PDZRN3: variants seen among roughly 807,000 people sequenced by gnomAD.
The protein encoded by PDZRN3 is E3 ubiquitin-protein ligase PDZRN3.
In PDZRN3, 38 loss-of-function variants were observed where a neutral mutation model predicts 85.7. The observed-to-expected ratio is 0.44, with a 90% confidence interval of 0.34 to 0.58. The LOEUF (loss-of-function observed/expected upper bound fraction) is 0.58. Ranked by LOEUF, PDZRN3 falls within the 20% of genes least tolerant of loss-of-function variation. PDZRN3 has a pLI of 0.01. For missense variants in PDZRN3, 1,629 were observed against 1,506.4 expected (o/e 1.08, Z -1.35); for synonymous variants, 759 against 638.0 (o/e 1.19, Z -2.86).
At chr3:73,595,389 G>C (rs2106886017) in intron 3 of PDZRN3, among the ~76,000 whole-genome samples, 1 of 152,260 alleles carries the variant, frequency 6.6e-6, no homozygotes, top group East Asian at 1.9e-4. Context: ...GGTAAATGGG[G>C]ATCAGTCCCT....
intron 3 of PDZRN3, among the ~76,000 whole-genome samples, chr3:73,426,189 A>G (rs1271048442): frequency 5.3e-5 from 8 of 152,134 alleles, no homozygotes; most frequent in Non-Finnish European, 1.0e-4. Context: ...ATATGTATAC[A>G]TTATGTATAT....
At chr3:73,386,245 T>TTTTTTTTTTTTTTTA (rs1701383880) in intron 8 of PDZRN3, among the ~76,000 whole-genome samples, 2 of 146,518 alleles carry the variant, frequency 1.4e-5, no homozygotes, top group Admixed American at 6.8e-5. Flanking sequence ...TTTTTTTTTT[T>TTTTTTTTTTTTTTTA]GAGACAGAAT....
intron 3 of PDZRN3, chr3:73,474,725 C>A: frequency 1.5e-6 from 1 of 664,566 alleles, no homozygotes; most frequent in Non-Finnish European, 2.0e-6. Context: ...ATTTCAGGCC[C>A]TGGGAAAGGT....
intron 3 of PDZRN3, among the ~76,000 whole-genome samples, chr3:73,597,966 C>T (rs1024374839): frequency 4.0e-5 from 6 of 151,702 alleles, no homozygotes; most frequent in South Asian, 4.2e-4. Context: ...GCTGGACTTA[C>T]GAAGAGATGG....
chr3:73,421,342 G>A (rs551738341), intron 3 of PDZRN3, among the ~76,000 whole-genome samples: 1 of 152,316 alleles, frequency 6.6e-6, no homozygotes, highest in South Asian at 2.1e-4. Context: ...CAATGGCAGA[G>A]CCATAAAAAG....
At chr3:73,457,581 G>T (rs1703011576) in intron 3 of PDZRN3, among the ~76,000 whole-genome samples, 2 of 152,034 alleles carry the variant, frequency 1.3e-5, no homozygotes, top group South Asian at 4.2e-4. Flanking sequence ...TCGGTATCTG[G>T]CCTGGTCCTG....
intron 1 of PDZRN3, chr3:73,623,881 A>G: frequency 2.4e-6 from 1 of 419,564 alleles, no homozygotes. Flanking sequence ...GTACAGCTAT[A>G]CTTTACCGGT....
chr3:73,624,910 C>G lies in PDZRN3; in HGVS notation c.-85G>C. On this transcript the variant is annotated 5_prime_UTR_variant, in exon 1 of 10. Coordinates refer to ENST00000263666, the MANE Select transcript of PDZRN3 (RefSeq NM_015009.3). ...AGGCGGCCCAGACAGGCCGGCTACG[C>G]CGCCCGCGCGCTCGCTGGCTCTCCC... 9.2e-7 allele frequency: 1 copy of G among 1,083,024 alleles called. No homozygotes were observed. The highest frequency in any genetic ancestry group is 1.2e-6 in the Non-Finnish European group (1 of 850,442). 67.1% of individuals were successfully genotyped at this position (1,083,024 alleles called of 1,614,324 possible). A position where few individuals can be genotyped will look rare whatever the true frequency, so the allele number is the denominator to read the frequency against.
intron 1 of PDZRN3, among the ~76,000 whole-genome samples, chr3:73,611,745 C>G (rs1460164900): frequency 2.6e-5 from 4 of 152,192 alleles, no homozygotes; most frequent in Admixed American, 2.6e-4. Context: ...CCACAAACAA[C>G]CTTAACTACT....
chr3:73,519,483 G>A (rs545576818), intron 3 of PDZRN3, among the ~76,000 whole-genome samples: 1 of 152,334 alleles, frequency 6.6e-6, no homozygotes, highest in East Asian at 1.9e-4. Context: ...AATCTGTACT[G>A]TTTCAAGTTC....
At position 73,491,537 on chromosome 3, in the gene PDZRN3, T is replaced by C. The variant is rs1298143859; in HGVS notation, c.919-87142A>G. 2.6e-5 allele frequency among the ~76,000 whole-genome samples: 4 copies of C among 151,024 alleles called. No individual in the cohort carries two copies. The East Asian group carries it at 5.8e-4, about 22-fold the overall frequency. On this transcript the variant is annotated intron_variant, in intron 3 of 9. Transcript: ENST00000263666. ...GAAGAAGAGCCCTTGTTAATTCAAG[T>C]AGACAGACTTCCAGTCAACAGGAAG... is the stretch of plus-strand genomic sequence containing the variant.
intron 3 of PDZRN3, among the ~76,000 whole-genome samples, chr3:73,479,518 T>C (rs186917299): frequency 1.2e-3 from 183 of 152,332 alleles, no homozygotes; most frequent in African/African-American, 4.2e-3. Flanking sequence ...CCTGTCGGAA[T>C]TGTTCAAACC....
intron 3 of PDZRN3, among the ~76,000 whole-genome samples, chr3:73,514,391 G>C (rs543584259): frequency 2.6e-5 from 4 of 152,282 alleles, no homozygotes; most frequent in African/African-American, 9.6e-5. Flanking sequence ...GTTCTATCAA[G>C]ATTTTGGTTG....
chr3:73,612,447 C>T (rs143928323), intron 1 of PDZRN3, among the ~76,000 whole-genome samples: 1 of 152,298 alleles, frequency 6.6e-6, no homozygotes, highest in African/African-American at 2.4e-5. Flanking sequence ...TTAAGTAAGG[C>T]TTCTTTGGAC....
At chr3:73,574,450 G>C (rs1553704226) in intron 3 of PDZRN3, among the ~76,000 whole-genome samples, 1 of 88,870 alleles carries the variant, frequency 1.1e-5, no homozygotes, top group Non-Finnish European at 2.3e-5. Flanking sequence ...CTTTTTTTTG[G>C]CTGGGGTGGG....
chr3:73,590,366 A>G (rs1487570946), intron 3 of PDZRN3, among the ~76,000 whole-genome samples: 2 of 151,796 alleles, frequency 1.3e-5, no homozygotes, highest in African/African-American at 2.4e-5. Context: ...GAACTTCATT[A>G]AAATGCAAAT....
chr3:73,540,172 A>G (rs1181505484), intron 3 of PDZRN3, among the ~76,000 whole-genome samples: 1 of 151,826 alleles, frequency 6.6e-6, no homozygotes, highest in African/African-American at 2.4e-5. Context: ...AATTTTAAAA[A>G]AATTCTCATA....
intron 3 of PDZRN3, among the ~76,000 whole-genome samples, chr3:73,510,811 T>C (rs757490466): frequency 2.6e-5 from 4 of 152,148 alleles, no homozygotes; most frequent in Non-Finnish European, 5.9e-5. Flanking sequence ...TCAGGCACAG[T>C]AAGAGATTAA....
intron 3 of PDZRN3, among the ~76,000 whole-genome samples, chr3:73,453,692 ACT>A (rs1196681889): frequency 1.3e-5 from 2 of 152,018 alleles, no homozygotes; most frequent in Admixed American, 6.6e-5. Context: ...AGTTTGAAAA[ACT>A]CTTAAATTTC....
Sources: gnomAD v4.1 joint callset for allele counts (sites outside exome capture counted in the v4.1 genomes callset) on GRCh38, gnomAD v4.1.1 for gene constraint, MANE v1.5 for transcripts, NCBI Gene and HGNC (gene_info 2026-07-23, HGNC 2026-07-21) for gene names.